Variants in SUFU observed in about 807,000 individuals in gnomAD.
SUFU encodes the protein suppressor of fused homolog.
A neutral mutation model predicts 58.9 loss-of-function variants in SUFU; 7 were observed. The ratio of observed to expected loss-of-function variants is 0.12; its 90% CI spans 0.07 to 0.22. SUFU has a LOEUF of 0.22. Ranked by LOEUF, SUFU falls within the 10% of genes least tolerant of loss-of-function variation. SUFU has a pLI of 1.00. For synonymous variants in SUFU, 232 were observed against 254.8 expected (o/e 0.91, Z 0.85); for missense variants, 451 against 641.3 (o/e 0.70, Z 3.20).
intron 8 of SUFU, among the ~76,000 whole-genome samples, chr10:102,601,069 A>G (rs2063511243): frequency 6.6e-6 from 1 of 152,190 alleles, no homozygotes; most frequent in South Asian, 2.1e-4. Flanking sequence ...CACTGTTGGC[A>G]GGCCAGAGGT....
In SUFU at chr10:102,615,476, TC is replaced by T. The variant is rs2063676587; in HGVS notation, c.1157+78del. ...AGCCTCCAGGGGGCACTTCAGAGCC[TC>T]CCCAGCCCCCTCCCCCAGCAGGCGT... On this transcript the variant is annotated intron_variant, in intron 9 of 11. Coordinates refer to ENST00000369902, the MANE Select transcript of SUFU (RefSeq NM_016169.4). 2.5e-6 allele frequency: 4 copies of T among 1,607,250 alleles called. No individual in the cohort carries two copies. The South Asian group carries it at 3.3e-5, about 13-fold the overall frequency.
chr10:102,522,454 T>C (rs2135670880), intron 2 of SUFU, among the ~76,000 whole-genome samples: 1 of 152,284 alleles, frequency 6.6e-6, no homozygotes, highest in East Asian at 1.9e-4. Flanking sequence ...TCTCTCTTTC[T>C]TGGGTGCGTG....
At chr10:102,578,180 C>T (rs1301504173) in intron 3 of SUFU, among the ~76,000 whole-genome samples, 4 of 147,996 alleles carry the variant, frequency 2.7e-5, no homozygotes, top group Non-Finnish European at 6.0e-5. Context: ...TGGTGGTGGG[C>T]GCTTGTAATC....
rs1289748473 is a variant in SUFU at position 102,568,034 on chromosome 10, C to T, written c.454+17928C>T. Among the ~76,000 whole-genome samples, 3 of 152,106 alleles carry T rather than the reference C, an allele frequency of 2.0e-5. No homozygotes were observed. The East Asian group carries it at 5.8e-4, about 29-fold the overall frequency. ...TTGCTTCTCTTTACTGGGCCACTCA[C>T]ATCACACATTCATTGTCTTCTGTCC... is the stretch of plus-strand genomic sequence containing the variant. On this transcript the variant is annotated intron_variant, in intron 3 of 11. Transcript: ENST00000369902.
intron 2 of SUFU, among the ~76,000 whole-genome samples, chr10:102,549,242 G>T (rs998469007): frequency 6.6e-6 from 1 of 152,156 alleles, no homozygotes; most frequent in Non-Finnish European, 1.5e-5. Flanking sequence ...AATTTATAAA[G>T]GAAAATAGGT....
intron 8 of SUFU, among the ~76,000 whole-genome samples, chr10:102,612,170 TGTG>T (rs2063632025): frequency 1.6e-3 from 1 of 626 alleles, no homozygotes; most frequent in African/African-American, 5.2e-3. Flanking sequence ...ACTGGGTTCT[TGTG>T]TGTGTGTGTG....
At chr10:102,589,235 T>C (rs966547173) in intron 3 of SUFU, among the ~76,000 whole-genome samples, 16 of 152,062 alleles carry the variant, frequency 1.1e-4, no homozygotes, top group Non-Finnish European at 1.5e-5. Flanking sequence ...GCCTTAGTTT[T>C]GTTTTTGGAT....
chr10:102,557,811 C>T (rs1248130138), intron 3 of SUFU, among the ~76,000 whole-genome samples: 1 of 152,072 alleles, frequency 6.6e-6, no homozygotes, highest in African/African-American at 2.4e-5. Flanking sequence ...GAGATGAGCA[C>T]CATCATTCCT....
At chr10:102,607,640 G>A (rs140962246) in intron 8 of SUFU, among the ~76,000 whole-genome samples, 21 of 152,282 alleles carry the variant, frequency 1.4e-4, no homozygotes, top group African/African-American at 4.6e-4. Flanking sequence ...CAGGCCAGGT[G>A]TGGTGACTCA....
chr10:102,574,988 G>A (rs977752948), intron 3 of SUFU, among the ~76,000 whole-genome samples: 3 of 151,984 alleles, frequency 2.0e-5, no homozygotes, highest in Admixed American at 6.6e-5. Context: ...CCCGGGAGGC[G>A]GAGGTTGCAG....
chr10:102,620,500 A>G (rs1490867675), intron 10 of SUFU, among the ~76,000 whole-genome samples: 3 of 151,732 alleles, frequency 2.0e-5, no homozygotes, highest in Non-Finnish European at 4.4e-5. Context: ...CACAGTGGAC[A>G]CTCCCTGCTT....
intron 1 of SUFU, among the ~76,000 whole-genome samples, chr10:102,506,289 A>C (rs2062326131): frequency 1.3e-5 from 2 of 152,162 alleles, no homozygotes; most frequent in South Asian, 4.1e-4. Flanking sequence ...ATGGGCCAAC[A>C]TGTGATAATG....
intron 3 of SUFU, chr10:102,572,907 G>C (rs1007924464): frequency 3.5e-6 from 3 of 859,688 alleles, no homozygotes; most frequent in African/African-American, 3.3e-5. Context: ...ATTTGATCTG[G>C]TGCTTGTTGG....
chr10:102,514,572 G>A (rs11598092), intron 2 of SUFU, among the ~76,000 whole-genome samples: 2 of 152,040 alleles, frequency 1.3e-5, no homozygotes, highest in African/African-American at 4.8e-5. Flanking sequence ...GAACCCCAAG[G>A]CTGCTCCCAA....
At chr10:102,604,308 A>C (rs11191348) in intron 8 of SUFU, among the ~76,000 whole-genome samples, 6,863 of 152,330 alleles carry the variant, frequency 0.045, 508 homozygotes, top group African/African-American at 0.16. Flanking sequence ...TGTCATGCCA[A>C]GTGCCTTTAC....
At chr10:102,622,593 T>G (rs995003989) in intron 10 of SUFU, among the ~76,000 whole-genome samples, 26 of 151,828 alleles carry the variant, frequency 1.7e-4, no homozygotes, top group Non-Finnish European at 2.9e-5. Context: ...ATACAAAAAA[T>G]TAGCCGGGCA....
At chr10:102,597,941 G>T (rs1042019087) in intron 7 of SUFU, among the ~76,000 whole-genome samples, 1 of 152,244 alleles carries the variant, frequency 6.6e-6, no homozygotes, top group Non-Finnish European at 1.5e-5. Flanking sequence ...GGCGTCCCCA[G>T]CTAACTGCAA....
intron 7 of SUFU, among the ~76,000 whole-genome samples, chr10:102,598,825 C>T (rs182783983): frequency 6.6e-6 from 1 of 152,284 alleles, no homozygotes; most frequent in Admixed American, 6.5e-5. Flanking sequence ...TCCCAAAGAC[C>T]AGCAAAGCAC....
At chr10:102,511,987 C>T (rs1205584796) in intron 2 of SUFU, among the ~76,000 whole-genome samples, 1 of 152,224 alleles carries the variant, frequency 6.6e-6, no homozygotes, top group African/African-American at 2.4e-5. Context: ...GTTGGGATTA[C>T]AGGCGTGAAC....
Sources: gnomAD v4.1 joint callset for allele counts (sites outside exome capture counted in the v4.1 genomes callset) on GRCh38, gnomAD v4.1.1 for gene constraint, MANE v1.5 for transcripts, NCBI Gene and HGNC (gene_info 2026-07-23, HGNC 2026-07-21) for gene names.